Variants in MAGI2 observed in about 807,000 individuals in gnomAD.
MAGI2 encodes membrane-associated guanylate kinase, WW and PDZ domain-containing protein 2.
In MAGI2, 35 loss-of-function variants were observed where a neutral mutation model predicts 133.3. The observed-to-expected ratio is 0.26, with a 90% CI of 0.20 to 0.35. The LOEUF (loss-of-function observed/expected upper bound fraction) is 0.35, where lower values mean the gene tolerates loss of function less well. MAGI2 is among the 10% of genes least tolerant of loss of function. The probability of loss-of-function intolerance (pLI) is 1.00; values close to 1 mark genes in which losing one functional copy is unlikely to be tolerated. For synonymous variants in MAGI2, 729 were observed against 710.6 expected (o/e 1.03, Z -0.41); for missense variants, 1,636 against 1,863.4 (o/e 0.88, Z 2.25).
chr7:79,342,751 ATTTG>A (rs565077947), intron 1 of MAGI2, among the ~76,000 whole-genome samples: 24 of 151,554 alleles, frequency 1.6e-4, no homozygotes, highest in East Asian at 1.9e-4. Context: ...TTATTTATTT[ATTTG>A]TTTGTTTATT....
intron 2 of MAGI2, among the ~76,000 whole-genome samples, chr7:78,745,542 A>C (rs1822849664): frequency 7.2e-6 from 1 of 139,318 alleles, no homozygotes; most frequent in East Asian, 1.9e-4. Context: ...TAAAAAAAAA[A>C]ACAACAACAA....
At chr7:78,760,562 CTCTA>C (rs1304866989) in intron 2 of MAGI2, among the ~76,000 whole-genome samples, 1 of 152,022 alleles carries the variant, frequency 6.6e-6, no homozygotes, top group Non-Finnish European at 1.5e-5. Flanking sequence ...GGGGTTCCTT[CTCTA>C]TCTTAGCTAA....
At chr7:78,367,599 T>C (rs1793512689) in intron 7 of MAGI2, among the ~76,000 whole-genome samples, 2 of 152,324 alleles carry the variant, frequency 1.3e-5, no homozygotes, top group East Asian at 1.9e-4. Flanking sequence ...TGGGTTTTTA[T>C]GGATTTTGCC....
At chr7:78,493,179 A>G (rs1452476564) in intron 5 of MAGI2, among the ~76,000 whole-genome samples, 1 of 152,212 alleles carries the variant, frequency 6.6e-6, no homozygotes, top group African/African-American at 2.4e-5. Context: ...GTTTAAATTC[A>G]TATCAGAATG....
chr7:79,407,498 C>A (rs190675399), intron 1 of MAGI2, among the ~76,000 whole-genome samples: 5 of 152,116 alleles, frequency 3.3e-5, no homozygotes, highest in Non-Finnish European at 5.9e-5. Flanking sequence ...AGCAGGATCA[C>A]CTGAACTTGT....
chr7:79,032,561 G>A (rs984608056), intron 1 of MAGI2, among the ~76,000 whole-genome samples: 31 of 150,146 alleles, frequency 2.1e-4, no homozygotes, highest in Non-Finnish European at 3.0e-4. Context: ...TACCCATTAT[G>A]AGAGTGGAAC....
At chr7:78,134,409 A>C (rs1482807198) in intron 17 of MAGI2, 1 of 152,176 alleles carries the variant, frequency 6.6e-6, no homozygotes, top group Non-Finnish European at 1.5e-5. Flanking sequence ...GGAAATGGTG[A>C]ATTTTTGGTG....
At chr7:79,384,200 A>C (rs67122557) in intron 1 of MAGI2, among the ~76,000 whole-genome samples, 2 of 151,338 alleles carry the variant, frequency 1.3e-5, no homozygotes, top group African/African-American at 4.8e-5. Flanking sequence ...TATTTATGCA[A>C]ATACAGGCTA....
chr7:78,307,170 C>G, intron 9 of MAGI2, among the ~76,000 whole-genome samples: 1 of 152,152 alleles, frequency 6.6e-6, no homozygotes, highest in East Asian at 1.9e-4. Context: ...TAGACGACTT[C>G]ATGCCCAAAG....
chr7:78,616,902 A>T (rs1807166240), intron 3 of MAGI2: 1 of 152,182 alleles, frequency 6.6e-6, no homozygotes, highest in Non-Finnish European at 1.5e-5. Flanking sequence ...GATTATTCTA[A>T]GTTTGAAAAT....
chr7:78,378,966 T>C (rs910486597), intron 6 of MAGI2, among the ~76,000 whole-genome samples: 1 of 152,000 alleles, frequency 6.6e-6, no homozygotes. Context: ...TGAGAGTCAA[T>C]GAATATTATT....
chr7:78,699,524 C>T (rs1055876882), intron 2 of MAGI2, among the ~76,000 whole-genome samples: 4 of 152,172 alleles, frequency 2.6e-5, no homozygotes, highest in African/African-American at 9.7e-5. Context: ...ATCCTTAAGA[C>T]ATCGCATTAT....
chr7:79,030,301 C>T (rs1398343083), intron 1 of MAGI2: 1 of 152,148 alleles, frequency 6.6e-6, no homozygotes, highest in African/African-American at 2.4e-5. Context: ...AGCATGGCCC[C>T]TGCACAAGGA....
At chr7:78,903,217 A>G (rs1309511026) in intron 2 of MAGI2, among the ~76,000 whole-genome samples, 2 of 82,590 alleles carry the variant, frequency 2.4e-5, no homozygotes, top group African/African-American at 4.4e-5. Flanking sequence ...TTTTTGAGAC[A>G]GAGTCTCGCT....
intron 1 of MAGI2, among the ~76,000 whole-genome samples, chr7:79,107,744 T>C (rs766272524): frequency 3.9e-5 from 6 of 152,182 alleles, no homozygotes; most frequent in Non-Finnish European, 7.4e-5. Context: ...CAAACCATCA[T>C]CCTCTCTATC....
At chr7:78,365,854 C>T (rs1312747874) in intron 7 of MAGI2, among the ~76,000 whole-genome samples, 1 of 152,176 alleles carries the variant, frequency 6.6e-6, no homozygotes, top group Non-Finnish European at 1.5e-5. Flanking sequence ...ATTTGCTTGT[C>T]TGTGGCTGAG....
chr7:78,153,715 A>G (rs1824113559), intron 16 of MAGI2, among the ~76,000 whole-genome samples: 2 of 152,324 alleles, frequency 1.3e-5, no homozygotes, highest in South Asian at 4.1e-4. Context: ...CTTACCCAAT[A>G]CTTTTTTACA....
In MAGI2 at chr7:78,199,120, C is replaced by T. The variant is rs540901278; in HGVS notation, c.2079+2042G>A. ...TTCACCTATTTAGAGTTTGTGTTACCGGCCACGTGGTCATTTCTCAACAAG... is the reference window on the plus strand; with the variant it reads ...TTCACCTATTTAGAGTTTGTGTTACTGGCCACGTGGTCATTTCTCAACAAG... On this transcript the variant is annotated intron_variant, in intron 11 of 21. Coordinates refer to ENST00000354212, the MANE Select transcript of MAGI2 (RefSeq NM_012301.4). 5.3e-5 allele frequency among the ~76,000 whole-genome samples: 8 copies of T among 152,224 alleles called. No homozygotes were observed. The South Asian group carries it at 6.2e-4, about 12-fold the overall frequency.
intron 21 of MAGI2, among the ~76,000 whole-genome samples, chr7:78,052,997 T>C (rs1422466408): frequency 6.6e-6 from 1 of 152,180 alleles, no homozygotes; most frequent in Non-Finnish European, 1.5e-5. Flanking sequence ...GAAGGATATT[T>C]ATATCATGGA....
Sources: allele counts gnomAD v4.1 joint callset (sites outside exome capture counted in the v4.1 genomes callset), GRCh38; gene constraint gnomAD v4.1.1; transcripts MANE v1.5; gene names NCBI Gene and HGNC (gene_info 2026-07-23, HGNC 2026-07-21).